Variants in TNS3 observed in about 807,000 individuals in gnomAD.
TNS3 encodes the protein tensin 3, also known as tensin-3.
Under a neutral mutation model 140.9 loss-of-function variants are expected in TNS3, and 45 were observed. The observed-to-expected ratio is 0.32, with a 90% CI of 0.25 to 0.41. The LOEUF (loss-of-function observed/expected upper bound fraction) is 0.41. TNS3 is among the 10% of genes least tolerant of loss of function. The pLI is 1.00. For missense variants in TNS3, 1,716 were observed against 1,906.7 expected (o/e 0.90, Z 1.86); for synonymous variants, 815 against 788.4 (o/e 1.03, Z -0.56).
Position 47,275,493 on chromosome 7 carries a change from C to T in TNS3, c.*2583G>A. ...ATTTACTCCCCAGGGCAGTACGTGCCTGTCCAGCGGGAGCCCTGGAGACAA... is the reference window on the plus strand; with the variant it reads ...ATTTACTCCCCAGGGCAGTACGTGCTTGTCCAGCGGGAGCCCTGGAGACAA... On this transcript the variant is annotated 3_prime_UTR_variant, in exon 31 of 31. Transcript: ENST00000311160. 3.2e-6 allele frequency: 1 copy of T among 307,742 alleles called. No homozygotes were observed. The highest frequency in any genetic ancestry group is 6.4e-6 in the Non-Finnish European group (1 of 157,264). 19.1% of individuals were successfully genotyped at this position (307,742 alleles called of 1,614,324 possible). A position where few individuals can be genotyped will look rare whatever the true frequency, so the allele number is the denominator to read the frequency against.
chr7:47,544,653 A>G (rs148116148), intron 1 of TNS3, among the ~76,000 whole-genome samples: 54 of 152,114 alleles, frequency 3.5e-4, no homozygotes, highest in African/African-American at 1.3e-3. Flanking sequence ...GAACTGCCTG[A>G]GGTCGCAGAG....
chr7:47,392,948 A>G (rs1162194918), intron 16 of TNS3, among the ~76,000 whole-genome samples: 1 of 152,202 alleles, frequency 6.6e-6, no homozygotes, highest in Non-Finnish European at 1.5e-5. Flanking sequence ...TCACAGGGAG[A>G]ACTTGGAAAC....
chr7:47,348,453 T>G (rs938369361), intron 17 of TNS3, among the ~76,000 whole-genome samples: 3 of 152,170 alleles, frequency 2.0e-5, no homozygotes, highest in Non-Finnish European at 4.4e-5. Context: ...GAGGTAATTT[T>G]CAAAGGGGAG....
rs1343877738 is a variant in TNS3 at position 47,472,561 on chromosome 7, G to T, written c.-76+8542C>A. Among the ~76,000 whole-genome samples, 4 of 152,110 alleles carry T rather than the reference G, an allele frequency of 2.6e-5. No individual in the cohort carries two copies. In the East Asian group the frequency reaches 7.7e-4, roughly 29 times the overall value. On this transcript the variant is annotated intron_variant, in intron 4 of 30. Transcript: ENST00000311160. ...AAACTGAGAGCAGTCCAGGACTGTG[G>T]CCCTAAACTTGCTCCCTGGCAGCTC...
intron 1 of TNS3, among the ~76,000 whole-genome samples, chr7:47,546,241 G>A (rs1799918019): frequency 6.6e-6 from 1 of 152,202 alleles, no homozygotes; most frequent in East Asian, 1.9e-4. Flanking sequence ...CTTCTAATGA[G>A]GCGCTGAGGC....
Position 47,400,872 on chromosome 7 carries a change from C to T in TNS3, c.766G>A (p.Val256Ile), listed in dbSNP as rs183514866. 27 of 1,614,252 alleles carry T rather than the reference C, an allele frequency of 1.7e-5. No homozygotes were observed. The highest frequency in any genetic ancestry group is 1.5e-4 in the Admixed American group (9 of 60,030). ...HKKYRSATRDVIFRLQFHTGA... is the reference protein window; with the variant it reads ...HKKYRSATRDIIFRLQFHTGA... ...GTGTGAAACTGCAGGCGGAAAATGA[C>T]GTCACGGGTGGCCGAGCGGTATTTC... The change falls in exon 14 of 31, where the codon GTC (valine) becomes ATC (isoleucine). Residue 256 changes from valine to isoleucine, a missense_variant. By Grantham distance (29) the Val-to-Ile change is conservative. Around this residue, in one of 3 missense-constraint regions of TNS3, gnomAD observed 337 missense variants for 428.9 expected, o/e 0.79. Transcript: ENST00000311160.
chr7:47,547,771 C>A (rs1203406543), intron 1 of TNS3, among the ~76,000 whole-genome samples: 1 of 152,196 alleles, frequency 6.6e-6, no homozygotes, highest in Admixed American at 6.5e-5. Context: ...GGAGCTAAAG[C>A]CTCCCAACAA....
At chr7:47,351,157 T>C (rs535789092) in intron 17 of TNS3, among the ~76,000 whole-genome samples, 39 of 152,358 alleles carry the variant, frequency 2.6e-4, no homozygotes, top group Non-Finnish European at 5.1e-4. Flanking sequence ...TCTGTGCTGC[T>C]GTACTGAATT....
At chr7:47,468,612 T>A (rs1306935280) in intron 4 of TNS3, among the ~76,000 whole-genome samples, 2 of 152,024 alleles carry the variant, frequency 1.3e-5, no homozygotes, top group Non-Finnish European at 2.9e-5. Flanking sequence ...TGGAAAAACA[T>A]CCCATGCTTA....
intron 1 of TNS3, among the ~76,000 whole-genome samples, chr7:47,567,541 G>A (rs186011041): frequency 6.6e-6 from 1 of 152,072 alleles, no homozygotes; most frequent in East Asian, 1.9e-4. Flanking sequence ...AAAATTAGTC[G>A]GGCATGGCAG....
At chr7:47,524,743 A>G (rs1799120644) in intron 2 of TNS3, among the ~76,000 whole-genome samples, 1 of 137,192 alleles carries the variant, frequency 7.3e-6, no homozygotes, top group African/African-American at 2.8e-5. Context: ...CGGAGCTTGC[A>G]GTGAGCCGAG....
intron 16 of TNS3, among the ~76,000 whole-genome samples, chr7:47,383,968 G>T (rs11765065): frequency 0.14 from 21,455 of 152,234 alleles, 1,669 homozygotes; most frequent in Non-Finnish European, 0.17. Context: ...TCCTCATAAG[G>T]AGAGACACAT....
intron 1 of TNS3, among the ~76,000 whole-genome samples, chr7:47,571,988 A>G (rs1272905851): frequency 6.6e-6 from 1 of 152,244 alleles, no homozygotes; most frequent in Non-Finnish European, 1.5e-5. Flanking sequence ...AGGTCCTGGC[A>G]GCCAGCCATC....
intron 20 of TNS3, among the ~76,000 whole-genome samples, chr7:47,344,418 A>G (rs1242309791): frequency 6.6e-6 from 1 of 152,220 alleles, no homozygotes; most frequent in East Asian, 1.9e-4. Flanking sequence ...CAATCCCCAC[A>G]GAGAACGTGA....
At chr7:47,532,074 C>G (rs953136407) in intron 1 of TNS3, among the ~76,000 whole-genome samples, 1 of 151,740 alleles carries the variant, frequency 6.6e-6, no homozygotes, top group Non-Finnish European at 1.5e-5. Flanking sequence ...CCCCCCCCCG[C>G]CCACCATCCC....
intron 14 of TNS3, 27 bp from the exon 15 acceptor site, chr7:47,400,485 A>T (rs1793089900): frequency 6.2e-7 from 1 of 1,609,872 alleles, no homozygotes; most frequent in Non-Finnish European, 8.5e-7. Context: ...ATTTTAACAC[A>T]TTTGTGGAGA....
intron 4 of TNS3, among the ~76,000 whole-genome samples, chr7:47,444,467 T>C (rs1795623923): frequency 6.6e-6 from 1 of 152,184 alleles, no homozygotes; most frequent in African/African-American, 2.4e-5. Context: ...ACATGACACA[T>C]CATTCCAAGA....
chr7:47,359,460 CTAGA>C (rs1790196215), intron 17 of TNS3, among the ~76,000 whole-genome samples: 1 of 152,142 alleles, frequency 6.6e-6, no homozygotes, highest in Admixed American at 6.5e-5. Context: ...ATTTCTGAAA[CTAGA>C]TAGTCATGAT....
chr7:47,461,820 G>T (rs1355222434), intron 4 of TNS3, among the ~76,000 whole-genome samples: 1 of 152,252 alleles, frequency 6.6e-6, no homozygotes, highest in East Asian at 1.9e-4. Context: ...AGCCTTGCGT[G>T]AGGCAGTCAG....
Sources: allele counts gnomAD v4.1 joint callset (sites outside exome capture counted in the v4.1 genomes callset), GRCh38; gene constraint gnomAD v4.1.1; regional missense constraint gnomAD v4.1.1; transcripts MANE v1.5; gene names NCBI Gene and HGNC (gene_info 2026-07-23, HGNC 2026-07-21).